ZNF445: variants seen among roughly 807,000 people sequenced by gnomAD.
The protein encoded by ZNF445 is zinc finger protein 168.
Under a neutral mutation model 93.9 loss-of-function variants are expected in ZNF445, and 19 were observed. The observed-to-expected ratio is 0.20, with a 90% CI of 0.14 to 0.30. ZNF445 has a LOEUF of 0.30. ZNF445 is among the 10% of genes least tolerant of loss of function. ZNF445 has a pLI of 1.00. For missense variants in ZNF445, 1,058 were observed against 1,259.4 expected, an observed-to-expected ratio of 0.84 and a Z score of 2.42; for synonymous variants, 449 against 446.3, an observed-to-expected ratio of 1.01 and a Z score of -0.08.
chr3:44,476,367 G>T (rs1269696787), intron 1 of ZNF445, among the ~76,000 whole-genome samples: 2 of 137,970 alleles, frequency 1.4e-5, no homozygotes, highest in Non-Finnish European at 3.3e-5. Flanking sequence ...CTTACAGTAA[G>T]ACTTTTTTTT....
intron 2 of ZNF445, among the ~76,000 whole-genome samples, chr3:44,456,464 T>C (rs1024806062): frequency 1.3e-5 from 2 of 152,020 alleles, no homozygotes; most frequent in African/African-American, 4.8e-5. Context: ...AAAACAATTA[T>C]GACAAGGAAG....
At position 44,447,065 on chromosome 3, in the gene ZNF445, T is replaced by C. The variant is rs570674369; in HGVS notation, c.2606A>G (p.Lys869Arg). 1 of 1,614,240 alleles carries C rather than the reference T, an allele frequency of 6.2e-7. No homozygotes were observed. Among genetic ancestry groups the C allele is most frequent in the South Asian group, 1.1e-5 (1 of 91,090 alleles). The change falls in exon 8 of 8, where the codon AAA becomes AGA. Residue 869 changes from lysine (K) to arginine (R), a missense_variant. Transcript: ENST00000396077. This position sits in a 1 kb window ranked among gnomAD's most constrained non-coding sequence, Gnocchi z 4.7. Reference protein sequence around the residue: ...KGIHSGEKRYKCNLCGKSYDR... With the variant: ...KGIHSGEKRYRCNLCGKSYDR... ...ATAAGATTTCCCACATAGATTACAT[T>C]TATAGCGCTTCTCTCCACTGTGTAT...
In ZNF445 at chr3:44,432,751, T is replaced by C. The variant is rs527632570; in HGVS notation, c.*13824A>G. ...CCAAGTTGACACCTAAAATTTACCC[T>C]CACACTCCAGTCCTCCAACATCCCA... On this transcript the variant is annotated 3_prime_UTR_variant, in exon 8 of 8. Transcript: ENST00000396077. 2 of 152,338 alleles carry C rather than the reference T, an allele frequency of 1.3e-5. No homozygotes were observed. Among genetic ancestry groups the C allele is most frequent in the South Asian group, 4.1e-4 (2 of 4,828 alleles). 9.4% of individuals were successfully genotyped at this position (152,338 alleles called of 1,614,324 possible). A position where few individuals can be genotyped will look rare whatever the true frequency, so the allele number is the denominator to read the frequency against.
At position 44,436,596 on chromosome 3, in the gene ZNF445, G is replaced by T. The variant is rs904485085; in HGVS notation, c.*9979C>A. ...ATATCTTCCTCTACAGTATACCAAC[G>T]AAGTTCTCGCATTTCAACTCATTCA... On this transcript the variant is annotated 3_prime_UTR_variant, in exon 8 of 8. Transcript: ENST00000396077. The T allele has an allele frequency of 1.3e-5, 2 of 152,032 alleles. No homozygotes were observed. Among genetic ancestry groups the T allele is most frequent in the African/African-American group, 4.8e-5 (2 of 41,384 alleles). The allele number at this position is 152,032 out of a possible 1,614,324, so 9.4% of individuals were successfully genotyped here. A position where few individuals can be genotyped will look rare whatever the true frequency, so the allele number is the denominator to read the frequency against.
rs1697865119 is a variant in ZNF445, at chr3:44,445,263, T to C, written c.*1312A>G. ...TCCTATAGAAAATTCAGAAACGGAG[T>C]GGGGAGGAGTCTGATTTATGGGAAC... On this transcript the variant is annotated 3_prime_UTR_variant, in exon 8 of 8. Transcript: ENST00000396077. 1 of 152,146 alleles carries C rather than the reference T, an allele frequency of 6.6e-6. No individual in the cohort carries two copies. Among genetic ancestry groups the C allele is most frequent in the African/African-American group, 2.4e-5 (1 of 41,368 alleles). The allele number at this position is 152,146 out of a possible 1,614,324, so 9.4% of individuals were successfully genotyped here.
intron 2 of ZNF445, among the ~76,000 whole-genome samples, chr3:44,457,502 T>C (rs1176430971): frequency 6.6e-6 from 1 of 152,102 alleles, no homozygotes; most frequent in Non-Finnish European, 1.5e-5. Context: ...AGGTGATCAA[T>C]CCTCCCACAT....
At chr3:44,474,910 T>A (rs959356668) in intron 1 of ZNF445, among the ~76,000 whole-genome samples, 12 of 152,062 alleles carry the variant, frequency 7.9e-5, no homozygotes, top group Admixed American at 7.9e-4. Context: ...GGCAGGTGGA[T>A]CACCTGAGGT....
intron 5 of ZNF445, 135 bp from the exon 6 acceptor site, chr3:44,450,708 G>A: frequency 7.5e-7 from 1 of 1,342,196 alleles, no homozygotes. Context: ...CCATCACCCA[G>A]CAGAAGACCT....
intron 1 of ZNF445, among the ~76,000 whole-genome samples, chr3:44,469,193 G>A (rs893985911): frequency 6.6e-6 from 1 of 152,144 alleles, no homozygotes; most frequent in Non-Finnish European, 1.5e-5. Context: ...TGTCACCCAA[G>A]GAAGAGACAG....
At chr3:44,449,229 G>A (rs1408605656) in intron 7 of ZNF445, among the ~76,000 whole-genome samples, 1 of 152,196 alleles carries the variant, frequency 6.6e-6, no homozygotes, top group Non-Finnish European at 1.5e-5. Context: ...AGGAGCATCA[G>A]TGAGTGAAAG....
chr3:44,446,079 C>T lies in ZNF445; in HGVS notation c.*496G>A, dbSNP rs1697874452. Reference sequence around the variant, plus strand: ...CAAAAGCCAGCCAGGAAGGCTGAAGCCCCAGCCAGAACTCCCCAGGGGGCA... The same window carrying T: ...CAAAAGCCAGCCAGGAAGGCTGAAGTCCCAGCCAGAACTCCCCAGGGGGCA... On this transcript the variant is annotated 3_prime_UTR_variant, in exon 8 of 8. Coordinates refer to ENST00000396077, the MANE Select transcript of ZNF445 (RefSeq NM_181489.6). The surrounding 1 kb of genome is among the most constrained non-coding windows in gnomAD (Gnocchi z 4.2). The T allele has an allele frequency of 6.1e-6, 1 of 164,254 alleles. No individual in the cohort carries two copies. The allele number at this position is 164,254 out of a possible 1,614,324, so 10.2% of individuals were successfully genotyped here. A position where few individuals can be genotyped will look rare whatever the true frequency, so the allele number is the denominator to read the frequency against.
rs374500061 is a variant in ZNF445 at position 44,448,015 on chromosome 3, G to C, written c.1656C>G (p.Arg552=). The C allele has an allele frequency of 1.6e-5, 25 of 1,611,036 alleles. No homozygotes were observed. Among genetic ancestry groups the C allele is most frequent in the Admixed American group, 1.7e-5 (1 of 59,962 alleles). The change falls in exon 8 of 8, where the codon CGC becomes CGG. Residue 552 remains arginine (R), a synonymous_variant. Coordinates refer to ENST00000396077, the MANE Select transcript of ZNF445 (RefSeq NM_181489.6). ...CTCGGTGCAGACGGTAGGCTGACAG[G>C]CGTCGGAAAGCTTTCTCACATAAAT... ...KCDLCEKAFR[R]LSAYRLHRET...
chr3:44,450,313 T>C (rs899256615), intron 6 of ZNF445, 134 bp downstream of exon 6: 3 of 1,063,748 alleles, frequency 2.8e-6, no homozygotes, highest in African/African-American at 3.1e-5. Context: ...ACCAAGGTGC[T>C]AGATTAAGTG....
intron 2 of ZNF445, among the ~76,000 whole-genome samples, chr3:44,458,012 C>A (rs1212150799): frequency 1.7e-3 from 156 of 93,960 alleles, no homozygotes; most frequent in African/African-American, 1.8e-3. Context: ...GACTCCGTCT[C>A]AAAAAAAAAA....
chr3:44,459,846 CTAGT>C (rs1037542765), intron 1 of ZNF445, among the ~76,000 whole-genome samples: 3 of 152,140 alleles, frequency 2.0e-5, no homozygotes, highest in Non-Finnish European at 2.9e-5. Flanking sequence ...AAAATGAATT[CTAGT>C]TAAAGATTTA....
chr3:44,464,952 AG>A (rs142776198), intron 1 of ZNF445, among the ~76,000 whole-genome samples: 3,645 of 152,046 alleles, frequency 0.024, 85 homozygotes, highest in African/African-American at 0.062. Flanking sequence ...CTGTAGTCCC[AG>A]CTACTCGGTA....
At position 44,446,876 on chromosome 3, in the gene ZNF445, G is replaced by C. The variant is rs773553412; in HGVS notation, c.2795C>G (p.Ser932Cys). Residue 932 changes from serine to cysteine, a missense_variant, in exon 8 of 8, where the codon TCT (serine) becomes TGT (cysteine). Physicochemically the swap from Ser to Cys is moderately radical, Grantham distance 112 (BLOSUM62 -1). Coordinates refer to ENST00000396077, the MANE Select transcript of ZNF445 (RefSeq NM_181489.6). The surrounding 1 kb of genome is among the most constrained non-coding windows in gnomAD (Gnocchi z 4.2). Reference sequence around the variant, plus strand: ...TCTCAACTTTGTGTCCTGAGAGGAAGACCGTGCAGGCGGGCTACGTTCAGC... The same window carrying C: ...TCTCAACTTTGTGTCCTGAGAGGAACACCGTGCAGGCGGGCTACGTTCAGC... Reference protein sequence around the residue: ...AQAERSPPARSSSQDTKLRLQ... With the variant: ...AQAERSPPARCSSQDTKLRLQ... The C allele has an allele frequency of 1.4e-5, 22 of 1,614,058 alleles. No individual in the cohort carries two copies. Among genetic ancestry groups the C allele is most frequent in the Non-Finnish European group, 1.5e-5 (18 of 1,180,050 alleles).
intron 1 of ZNF445, among the ~76,000 whole-genome samples, chr3:44,460,683 T>C (rs576337265): frequency 4.1e-4 from 63 of 152,320 alleles, no homozygotes; most frequent in African/African-American, 1.4e-3. Flanking sequence ...AAGTTATCCT[T>C]AAAAACTCTG....
rs1697901359 is a variant in ZNF445 at position 44,447,892 on chromosome 3, C to T, written c.1779G>A (p.Gly593=). 4 of 1,613,938 alleles carry T rather than the reference C, an allele frequency of 2.5e-6. No homozygotes were observed. Among genetic ancestry groups the T allele is most frequent in the African/African-American group, 1.3e-5 (1 of 74,990 alleles). Residue 593 remains glycine (G), a synonymous_variant, in exon 8 of 8, where the codon GGG becomes GGA. Transcript: ENST00000396077. This position sits in a 1 kb window ranked among gnomAD's most constrained non-coding sequence, Gnocchi z 4.7. ...GFDHHLGDQS[G]EKLFDCSQCR... ...ACTGGCTGCAGTCAAAGAGTTTCTC[C>T]CCACTTTGGTCTCCCAAATGATGAT...
Sources: gnomAD v4.1 joint callset for allele counts (sites outside exome capture counted in the v4.1 genomes callset) on GRCh38, gnomAD v4.1.1 for gene constraint, Gnocchi (gnomAD v3.1) non-coding constraint, MANE v1.5 for transcripts, NCBI Gene and HGNC (gene_info 2026-07-23, HGNC 2026-07-21) for gene names.